C3orf22: variants seen among roughly 807,000 people sequenced by gnomAD.
C3orf22 encodes the protein uncharacterized protein C3orf22.
A neutral mutation model predicts 10.8 loss-of-function variants in C3orf22; 7 were observed. The observed-to-expected ratio is 0.65, with a 90% confidence interval of 0.37 to 1.22. C3orf22 has a LOEUF of 1.22. C3orf22 is among the 50% of genes most tolerant of loss of function. The pLI, the probability that C3orf22 is intolerant of heterozygous loss-of-function variation, is 0.02. For missense variants in C3orf22, 173 were observed against 177.0 expected, an observed-to-expected ratio of 0.98 and a Z score of 0.13; for synonymous variants, 79 against 78.9, an observed-to-expected ratio of 1.00 and a Z score of 0.00.
chr3:126,553,824 CA>C (rs142295392), intron 1 of C3orf22, among the ~76,000 whole-genome samples: 3,442 of 152,266 alleles, frequency 0.023, 90 homozygotes, highest in African/African-American at 0.062. Flanking sequence ...CAGATCAGCC[CA>C]AACTTCACCC....
At chr3:126,529,629 G>T (rs146533089) in intron 4 of C3orf22, among the ~76,000 whole-genome samples, 16 of 152,178 alleles carry the variant, frequency 1.1e-4, no homozygotes, top group South Asian at 4.2e-4. Flanking sequence ...CTGTGCTGGG[G>T]CCTGCAGTCC....
chr3:126,536,841 C>G (rs1490298802), intron 4 of C3orf22, among the ~76,000 whole-genome samples: 1 of 151,310 alleles, frequency 6.6e-6, no homozygotes, highest in East Asian at 1.9e-4. Context: ...CTGTACCCCA[C>G]CACCAAGAAC....
chr3:126,550,718 C>T (rs1937162201), intron 3 of C3orf22, among the ~76,000 whole-genome samples: 1 of 152,204 alleles, frequency 6.6e-6, no homozygotes, highest in East Asian at 1.9e-4. Context: ...AATGCCCACT[C>T]CCCCAGCCCT....
At chr3:126,538,375 C>T (rs1224677762) in intron 4 of C3orf22, among the ~76,000 whole-genome samples, 1 of 152,230 alleles carries the variant, frequency 6.6e-6, no homozygotes, top group Non-Finnish European at 1.5e-5. Flanking sequence ...AAGGGTTTCC[C>T]CTGACTTTTC....
At chr3:126,548,259 G>A (rs1345571176), downstream of C3orf22, among the ~76,000 whole-genome samples, 1 of 152,198 alleles carries the variant, frequency 6.6e-6, no homozygotes, top group Non-Finnish European at 1.5e-5. Flanking sequence ...GCCTCCCAAA[G>A]TGTTGGGATT....
intron 4 of C3orf22, chr3:126,542,329 C>A (rs778097791): frequency 6.4e-7 from 1 of 1,567,992 alleles, no homozygotes; most frequent in East Asian, 2.4e-5. Flanking sequence ...CGTGTCGCCT[C>A]CGCTACGACG....
chr3:126,557,246 G>A (rs1210823584), intron 1 of C3orf22, among the ~76,000 whole-genome samples: 4 of 152,166 alleles, frequency 2.6e-5, no homozygotes, highest in Non-Finnish European at 5.9e-5. Flanking sequence ...GGAGCTCCTC[G>A]CTTCCTTGGT....
chr3:126,556,223 G>T (rs978414487), intron 1 of C3orf22, among the ~76,000 whole-genome samples: 10 of 152,144 alleles, frequency 6.6e-5, no homozygotes, highest in African/African-American at 1.2e-4. Context: ...ACTCCCTCCG[G>T]CTGCAGAGAT....
intron 3 of C3orf22, 87 bp from the exon 4 acceptor site, chr3:126,550,165 C>T: frequency 6.9e-7 from 1 of 1,444,468 alleles, no homozygotes; most frequent in Non-Finnish European, 9.4e-7. Flanking sequence ...GCCAGGGCCA[C>T]ATCTGGGAGG....
In C3orf22 at chr3:126,529,463, C is replaced by A. The variant is rs886733387; in HGVS notation, c.287-91G>T. The A allele has an allele frequency of 9.4e-6, 11 of 1,164,814 alleles. No homozygotes were observed. In the African/African-American group the frequency reaches 1.8e-4, roughly 19 times the overall value. 72.2% of individuals were successfully genotyped at this position (1,164,814 alleles called of 1,614,324 possible). ...GTGTTAAGGGTGCAGATGCTGGCACCGGTGGCCTGGGGTCAAATTCTGTTT... is the reference window on the plus strand; with the variant it reads ...GTGTTAAGGGTGCAGATGCTGGCACAGGTGGCCTGGGGTCAAATTCTGTTT... On this transcript the variant is annotated intron_variant and NMD_transcript_variant, in intron 4 of 5. Transcript: ENST00000505070.
intron 4 of C3orf22, chr3:126,541,869 G>A (rs1157793761): frequency 1.3e-6 from 2 of 1,596,158 alleles, no homozygotes; most frequent in Non-Finnish European, 8.5e-7. Flanking sequence ...GACGCGCATG[G>A]CCTGCTCTAC....
chr3:126,542,652 C>T lies in C3orf22; in HGVS notation c.286+6885G>A, dbSNP rs1936994090. ...GACCCCCGGGGAATGCAGGTGCTGCCGGCCCCAGGACCCCTCTTCAAGAGC... is the reference window on the plus strand; with the variant it reads ...GACCCCCGGGGAATGCAGGTGCTGCTGGCCCCAGGACCCCTCTTCAAGAGC... On this transcript the variant is annotated intron_variant and NMD_transcript_variant, in intron 4 of 5. Transcript: ENST00000505070. 3.6e-6 allele frequency: 5 copies of T among 1,391,906 alleles called. No individual in the cohort carries two copies. The Admixed American group carries it at 1.1e-4, about 30-fold the overall frequency. The allele number at this position is 1,391,906 out of a possible 1,614,324, so 86.2% of individuals were successfully genotyped here.
At chr3:126,548,058 G>A (rs146212855), downstream of C3orf22, among the ~76,000 whole-genome samples, 7 of 152,188 alleles carry the variant, frequency 4.6e-5, no homozygotes, top group Non-Finnish European at 1.0e-4. Flanking sequence ...GCAGTGGTGC[G>A]ATCTCAGCTC....
At chr3:126,542,331 G>C (rs751763090) in intron 4 of C3orf22, 2 of 1,567,066 alleles carry the variant, frequency 1.3e-6, no homozygotes, top group Non-Finnish European at 1.7e-6. Context: ...TGTCGCCTCC[G>C]CTACGACGTC....
chr3:126,557,105 CACAG>C (rs374245023), intron 1 of C3orf22, among the ~76,000 whole-genome samples: 1 of 152,172 alleles, frequency 6.6e-6, no homozygotes, highest in Non-Finnish European at 1.5e-5. Flanking sequence ...CACACTCACA[CACAG>C]ACACATACAG....
downstream of C3orf22, among the ~76,000 whole-genome samples, chr3:126,549,291 G>C (rs780780125): frequency 1.3e-5 from 2 of 149,600 alleles, no homozygotes; most frequent in Non-Finnish European, 2.9e-5. Context: ...ACCGTTTTTA[G>C]TAAACACAAG....
At chr3:126,528,245 G>A (rs957592386) in intron 5 of C3orf22, among the ~76,000 whole-genome samples, 1 of 151,940 alleles carries the variant, frequency 6.6e-6, no homozygotes, top group Non-Finnish European at 1.5e-5. Context: ...TAGGGGCTGG[G>A]GTGCTCTTCC....
intron 4 of C3orf22, chr3:126,542,279 T>G: frequency 6.4e-7 from 1 of 1,564,156 alleles, no homozygotes. Context: ...TGAGGAGCCC[T>G]TCAACGAGCA....
downstream of C3orf22, among the ~76,000 whole-genome samples, chr3:126,545,201 G>T (rs544239210): frequency 6.6e-6 from 1 of 152,386 alleles, no homozygotes; most frequent in East Asian, 1.9e-4. Flanking sequence ...ATAGTCCAGT[G>T]CCCACAAGGG....
Sources: gnomAD v4.1 joint callset for allele counts (sites outside exome capture counted in the v4.1 genomes callset) on GRCh38, gnomAD v4.1.1 for gene constraint, MANE v1.5 for transcripts, NCBI Gene and HGNC (gene_info 2026-07-23, HGNC 2026-07-21) for gene names.